Variants in ATP10B observed in about 807,000 individuals in gnomAD.
ATP10B encodes phospholipid-transporting ATPase VB.
ATP10B carries 122 observed loss-of-function variants against 141.2 expected under a neutral mutation model. The ratio of observed to expected loss-of-function variants is 0.86; its 90% CI spans 0.75 to 1.00. The LOEUF is 1.00. ATP10B is among the 50% of genes least tolerant of loss of function. The pLI is 0.00. For synonymous variants in ATP10B, 685 were observed against 692.0 expected (o/e 0.99, Z 0.16); for missense variants, 1,876 against 1,825.3 (o/e 1.03, Z -0.51).
chr5:160,714,900 G>T lies in ATP10B; in HGVS notation c.-205+2009C>A, dbSNP rs1334554695. Among the ~76,000 whole-genome samples, 3 of 143,514 alleles carry T rather than the reference G, an allele frequency of 2.1e-5. No individual in the cohort carries two copies. The East Asian group carries it at 6.0e-4, about 29-fold the overall frequency. The allele number at this position is 143,514 out of a possible 152,430, so 94.2% of individuals were successfully genotyped here. ...TGTGAGGTGTCAGTGTGGCCCTGCT[G>T]GGGGGTGCCTCCCAGTTAGGCTGCT... On this transcript the variant is annotated intron_variant, in intron 3 of 25. Coordinates refer to ENST00000327245, the MANE Select transcript of ATP10B (RefSeq NM_025153.3).
chr5:160,840,048 T>C (rs1244644116), intron 1 of ATP10B, among the ~76,000 whole-genome samples: 2 of 152,020 alleles, frequency 1.3e-5, no homozygotes, highest in East Asian at 3.9e-4. Flanking sequence ...TTCAAATGTA[T>C]ATGAAGAAAC....
chr5:160,782,628 T>C (rs1299636137), intron 2 of ATP10B, among the ~76,000 whole-genome samples: 1 of 152,092 alleles, frequency 6.6e-6, no homozygotes, highest in Non-Finnish European at 1.5e-5. Flanking sequence ...GAGACAGCAA[T>C]ATGTGCAGAG....
chr5:160,836,046 A>G (rs2127981961), intron 1 of ATP10B, among the ~76,000 whole-genome samples: 1 of 152,232 alleles, frequency 6.6e-6, no homozygotes, highest in East Asian at 1.9e-4. Context: ...AAGCTAAATA[A>G]AGTGTTCGCA....
intron 6 of ATP10B, among the ~76,000 whole-genome samples, chr5:160,677,947 A>C (rs1020120862): frequency 6.6e-6 from 1 of 152,222 alleles, no homozygotes; most frequent in Non-Finnish European, 1.5e-5. Flanking sequence ...TGATATTCTA[A>C]CATAGAGTCT....
the ATP10B span, among the ~76,000 whole-genome samples, chr5:160,900,700 A>G: frequency 1.2e-4 from 19 of 152,356 alleles, no homozygotes; most frequent in East Asian, 3.7e-3. Flanking sequence ...TTCAATAATT[A>G]TGTACATTAA....
At chr5:160,910,801 T>C in the ATP10B span, among the ~76,000 whole-genome samples, 1 of 152,232 alleles carries the variant, frequency 6.6e-6, no homozygotes, top group African/African-American at 2.4e-5. Context: ...GAAAATTTCA[T>C]GAATAATACC....
intron 10 of ATP10B, among the ~76,000 whole-genome samples, chr5:160,636,918 A>G (rs1264894440): frequency 3.3e-5 from 5 of 150,622 alleles, no homozygotes; most frequent in Non-Finnish European, 7.4e-5. Flanking sequence ...TTTTCTATAG[A>G]TTCATCTATT....
intron 2 of ATP10B, among the ~76,000 whole-genome samples, chr5:160,733,596 ACG>A (rs1284754317): frequency 6.6e-6 from 1 of 151,852 alleles, no homozygotes; most frequent in African/African-American, 2.4e-5. Flanking sequence ...TTACATATAT[ACG>A]TTACATATAT....
the ATP10B span, among the ~76,000 whole-genome samples, chr5:160,912,141 C>G: frequency 6.6e-6 from 1 of 151,906 alleles, no homozygotes; most frequent in Non-Finnish European, 1.5e-5. Context: ...CTTTTGTATT[C>G]AGTATAACTA....
chr5:160,687,887 G>A lies in ATP10B; in HGVS notation c.188C>T (p.Ser63Phe), dbSNP rs746460363. 10 of 1,614,164 alleles carry A rather than the reference G, an allele frequency of 6.2e-6. No homozygotes were observed. The highest frequency in any genetic ancestry group is 8.5e-6 in the Non-Finnish European group (10 of 1,180,016). The change falls in exon 5 of 26, where the codon TCC becomes TTC. Residue 63 changes from serine (S) to phenylalanine (F), a missense_variant. By Grantham distance (155) the Ser-to-Phe change is radical. Coordinates refer to ENST00000327245, the MANE Select transcript of ATP10B (RefSeq NM_025153.3). ...GGTTCTGTTGCCAGGGTATCTCCTG[G>A]AGACCTCTTCCCAATCTTGATGGAA... ...SIFHQDWEEV[S>F]RRYPGNRTCT...
chr5:160,641,358 AG>A (rs2127675633), intron 9 of ATP10B, among the ~76,000 whole-genome samples: 1 of 152,304 alleles, frequency 6.6e-6, no homozygotes, highest in South Asian at 2.1e-4. Flanking sequence ...CAAGAGTAGT[AG>A]GGACCAAAGG....
chr5:160,583,271 G>A (rs1755668403), intron 24 of ATP10B, among the ~76,000 whole-genome samples: 1 of 152,084 alleles, frequency 6.6e-6, no homozygotes, highest in African/African-American at 2.4e-5. Context: ...TTTCTGTATG[G>A]GCTTTTTTTT....
the ATP10B span, among the ~76,000 whole-genome samples, chr5:160,899,797 GCTC>G: frequency 1.1e-4 from 17 of 152,170 alleles, no homozygotes; most frequent in Non-Finnish European, 2.2e-4. Flanking sequence ...CAGGATCTAA[GCTC>G]CTGTCAGTGG....
upstream of ATP10B, among the ~76,000 whole-genome samples, chr5:160,853,552 C>T (rs1052210144): frequency 1.5e-4 from 23 of 152,260 alleles, no homozygotes; most frequent in African/African-American, 5.5e-4. Flanking sequence ...CCAGCTCTTT[C>T]CCATTATCAC....
chr5:160,902,953 G>T, the ATP10B span, among the ~76,000 whole-genome samples: 2 of 152,308 alleles, frequency 1.3e-5, no homozygotes, highest in South Asian at 4.1e-4. Flanking sequence ...GTTTGAACGG[G>T]TGCACGTGAG....
At chr5:160,741,518 C>A (rs534689726) in intron 2 of ATP10B, among the ~76,000 whole-genome samples, 15 of 152,266 alleles carry the variant, frequency 9.9e-5, no homozygotes, top group African/African-American at 3.6e-4. Context: ...GCTACAAGAG[C>A]TTATAGGGTA....
the ATP10B span, among the ~76,000 whole-genome samples, chr5:160,861,080 C>T: frequency 2.6e-5 from 4 of 151,860 alleles, no homozygotes; most frequent in African/African-American, 9.7e-5. Flanking sequence ...TATAATAATA[C>T]TGTGTTTCAG....
intron 24 of ATP10B, among the ~76,000 whole-genome samples, chr5:160,577,361 G>A (rs2127598542): frequency 6.6e-6 from 1 of 152,152 alleles, no homozygotes; most frequent in African/African-American, 2.4e-5. Flanking sequence ...AGGAAAAGGT[G>A]GGACAAAAGG....
At chr5:160,769,028 G>A (rs888545534) in intron 2 of ATP10B, among the ~76,000 whole-genome samples, 8 of 152,174 alleles carry the variant, frequency 5.3e-5, no homozygotes, top group African/African-American at 1.7e-4. Flanking sequence ...ACAAGGCCAC[G>A]CTGACCATCT....
Sources: gnomAD v4.1 joint callset for allele counts (sites outside exome capture counted in the v4.1 genomes callset) on GRCh38, gnomAD v4.1.1 for gene constraint, MANE v1.5 for transcripts, NCBI Gene and HGNC (gene_info 2026-07-23, HGNC 2026-07-21) for gene names.